Variants in PYGL observed in about 807,000 individuals in gnomAD.
PYGL encodes glycogen phosphorylase, liver form.
A neutral mutation model predicts 100.1 loss-of-function variants in PYGL; 90 were observed. The observed-to-expected ratio is 0.90, with a 90% CI of 0.76 to 1.07. The LOEUF (loss-of-function observed/expected upper bound fraction) is 1.07, where lower values mean the gene tolerates loss of function less well. Ranked by LOEUF, PYGL falls within the 50% of genes least tolerant of loss-of-function variation. The probability of loss-of-function intolerance (pLI) is 0.00; values close to 1 mark genes in which losing one functional copy is unlikely to be tolerated. For missense variants in PYGL, 1,016 were observed against 1,057.6 expected, an observed-to-expected ratio of 0.96 and a Z score of 0.55; for synonymous variants, 373 against 393.0, an observed-to-expected ratio of 0.95 and a Z score of 0.60.
chr14:50,907,979 G>A (rs771585552), intron 19 of PYGL, among the ~76,000 whole-genome samples: 2 of 141,224 alleles, frequency 1.4e-5, no homozygotes, highest in African/African-American at 2.7e-5. Context: ...TCAGGATCAC[G>A]CCGCTGCACT....
intron 5 of PYGL, chr14:50,923,693 A>G: frequency 3.8e-6 from 1 of 264,048 alleles, no homozygotes; most frequent in Non-Finnish European, 7.3e-6. Context: ...CTGGCAAAAA[A>G]AAAAAAAAAA....
At chr14:50,909,050 TAC>T in intron 17 of PYGL, 95 bp from the exon 18 acceptor site, 1 of 1,373,574 alleles carries the variant, frequency 7.3e-7, no homozygotes, top group South Asian at 1.2e-5. Context: ...TGTGAAAAAA[TAC>T]ATTCAGAAAT....
intron 4 of PYGL, among the ~76,000 whole-genome samples, chr14:50,925,256 G>T (rs1295205307): frequency 1.3e-5 from 2 of 152,146 alleles, no homozygotes; most frequent in African/African-American, 4.8e-5. Flanking sequence ...TAAAACATAA[G>T]AAATGGTACA....
chr14:50,944,202 A>G lies in PYGL; in HGVS notation c.202T>C (p.Trp68Arg). Residue 68 changes from tryptophan to arginine, a missense_variant, in exon 1 of 20, where the codon TGG becomes CGG. By Grantham distance (101) the Trp-to-Arg change is moderately radical (BLOSUM62 -3). Transcript: ENST00000216392. The part of the protein sequence containing the change: ...HTVRDHLVGR[W>R]IRTQQHYYDK... ...TAGTAGTGCTGCTGCGTGCGGATCCAGCGCCCCACCAGGTGGTCGCGCACC... is the reference window on the plus strand; with the variant it reads ...TAGTAGTGCTGCTGCGTGCGGATCCGGCGCCCCACCAGGTGGTCGCGCACC... The G allele has an allele frequency of 6.2e-7, 1 of 1,611,378 alleles. No homozygotes were observed. The highest frequency in any genetic ancestry group is 8.5e-7 in the Non-Finnish European group (1 of 1,179,792).
At chr14:50,905,685 A>AAACAAG in intron 19 of PYGL, 129 bp from the exon 20 acceptor site, 1 of 929,372 alleles carries the variant, frequency 1.1e-6, no homozygotes, top group Non-Finnish European at 1.7e-6. Flanking sequence ...AGTAAATTAC[A>AAACAAG]AATATTCTTG....
intron 3 of PYGL, among the ~76,000 whole-genome samples, chr14:50,934,636 T>G (rs1195058300): frequency 6.6e-6 from 1 of 152,030 alleles, no homozygotes; most frequent in East Asian, 1.9e-4. Context: ...ATTCCAGACA[T>G]TTACATGTGT....
rs2050442635 is a variant in PYGL at position 50,915,850 on chromosome 14, T to C, written c.1214A>G (p.Tyr405Cys). 1 of 1,614,012 alleles carries C rather than the reference T, an allele frequency of 6.2e-7. No individual in the cohort carries two copies. Among genetic ancestry groups the C allele is most frequent in the Non-Finnish European group, 8.5e-7 (1 of 1,179,978 alleles). ...ATCTAAATGCTTCTGATTTATCTCATAAATGATTTCCAAATGTCGAGGGAG... is the reference window on the plus strand; with the variant it reads ...ATCTAAATGCTTCTGATTTATCTCACAAATGATTTCCAAATGTCGAGGGAG... Reference protein sequence around the residue: ...KLLPRHLEIIYEINQKHLDRI... With the variant: ...KLLPRHLEIICEINQKHLDRI... The change falls in exon 10 of 20, where the codon TAT becomes TGT. Residue 405 changes from tyrosine to cysteine, a missense_variant. Coordinates refer to ENST00000216392, the MANE Select transcript of PYGL (RefSeq NM_002863.5).
chr14:50,908,301 C>A lies in PYGL; in HGVS notation c.2349G>T (p.Lys783Asn), dbSNP rs1236060619. The A allele has an allele frequency of 6.2e-7, 1 of 1,605,312 alleles. No individual in the cohort carries two copies. The highest frequency in any genetic ancestry group is 1.1e-5 in the South Asian group (1 of 90,914). The stretch of plus-strand genomic sequence containing the variant: ...ACAGCTGACTCACTTTATCTTGACA[C>A]TTGACATAGGCTTCGTAGTCTGCAA... ...KVFADYEAYV[K>N]CQDKVSQLYM... The change falls in exon 19 of 20, where the codon AAG (lysine) becomes AAT (asparagine). Residue 783 changes from lysine (K) to asparagine (N), a missense_variant. By Grantham distance (94) the Lys-to-Asn change is moderately conservative. Coordinates refer to ENST00000216392, the MANE Select transcript of PYGL (RefSeq NM_002863.5).
intron 16 of PYGL, among the ~76,000 whole-genome samples, 192 bp downstream of exon 16, chr14:50,911,538 T>C (rs1342838897): frequency 3.3e-5 from 5 of 152,238 alleles, no homozygotes; most frequent in Non-Finnish European, 7.3e-5. Flanking sequence ...CCTGTGATAC[T>C]GACTCCAGGA....
intron 19 of PYGL, 83 bp from the exon 20 acceptor site, chr14:50,905,639 C>T (rs189098195): frequency 7.6e-7 from 1 of 1,315,976 alleles, no homozygotes; most frequent in Non-Finnish European, 1.1e-6. Context: ...CACATCCAAA[C>T]ACATTTCATG....
At chr14:50,922,464 A>G (rs914502157) in intron 5 of PYGL, among the ~76,000 whole-genome samples, 2 of 152,228 alleles carry the variant, frequency 1.3e-5, no homozygotes, top group Non-Finnish European at 2.9e-5. Flanking sequence ...GTTGTAATCA[A>G]TCAGGGAAAG....
At chr14:50,926,387 A>G (rs1416529434) in intron 4 of PYGL, among the ~76,000 whole-genome samples, 1 of 151,852 alleles carries the variant, frequency 6.6e-6, no homozygotes, top group African/African-American at 2.4e-5. Flanking sequence ...TAAAATTTTA[A>G]TAAAGAAACA....
chr14:50,944,099 G>T, intron 1 of PYGL, 62 bp downstream of exon 1: 1 of 1,536,364 alleles, frequency 6.5e-7, no homozygotes, highest in Non-Finnish European at 8.8e-7. Flanking sequence ...CGTCCCGCCC[G>T]GCCGCGGCCG....
intron 1 of PYGL, among the ~76,000 whole-genome samples, chr14:50,939,605 T>C (rs2050687033): frequency 6.6e-6 from 1 of 150,984 alleles, no homozygotes; most frequent in Admixed American, 6.6e-5. Flanking sequence ...CACCAGTGAG[T>C]AACTTCATTG....
intron 2 of PYGL, among the ~76,000 whole-genome samples, chr14:50,937,343 A>T (rs1324263704): frequency 6.6e-6 from 1 of 152,236 alleles, no homozygotes; most frequent in Non-Finnish European, 1.5e-5. Flanking sequence ...AATTGCCTTG[A>T]TACATGAATA....
chr14:50,905,658 T>G (rs1262539653), intron 19 of PYGL, 102 bp from the exon 20 acceptor site: 3 of 1,145,000 alleles, frequency 2.6e-6, no homozygotes, highest in Non-Finnish European at 4.0e-6. Context: ...TGAGGGAAAA[T>G]GACAGGAATA....
chr14:50,923,124 T>C (rs1366381016), intron 5 of PYGL: 2 of 152,236 alleles, frequency 1.3e-5, no homozygotes, highest in East Asian at 3.8e-4. Context: ...CTTGCCTCTG[T>C]TGGCCCAGAA....
At chr14:50,916,571 G>T in intron 9 of PYGL, 71 bp downstream of exon 9, 1 of 1,352,690 alleles carries the variant, frequency 7.4e-7, no homozygotes, top group South Asian at 1.2e-5. Context: ...ACTAAAAAGG[G>T]AGTTTTTGGC....
At chr14:50,925,521 A>G (rs2050539863) in intron 4 of PYGL, among the ~76,000 whole-genome samples, 1 of 152,240 alleles carries the variant, frequency 6.6e-6, no homozygotes, top group Non-Finnish European at 1.5e-5. Flanking sequence ...AAGAATTACA[A>G]CACAATGTTG....
Sources: allele counts gnomAD v4.1 joint callset (sites outside exome capture counted in the v4.1 genomes callset), GRCh38; gene constraint gnomAD v4.1.1; transcripts MANE v1.5; gene names NCBI Gene and HGNC (gene_info 2026-07-23, HGNC 2026-07-21).